Variants in CHD1L observed in about 807,000 individuals in gnomAD.
The protein encoded by CHD1L is chromodomain helicase DNA binding protein 1 like.
Under a neutral mutation model 115.9 loss-of-function variants are expected in CHD1L, and 118 were observed. The ratio of observed to expected loss-of-function variants is 1.02; its 90% confidence interval spans 0.88 to 1.19. CHD1L has a LOEUF of 1.19. Ranked by LOEUF, CHD1L falls within the 50% of genes most tolerant of loss-of-function variation. The pLI is 0.00. For missense variants in CHD1L, 1,179 were observed against 1,065.3 expected, an observed-to-expected ratio of 1.11 and a Z score of -1.49; for synonymous variants, 411 against 387.1, an observed-to-expected ratio of 1.06 and a Z score of -0.72.
At chr1:147,289,338 G>C (rs1684602543) in intron 19 of CHD1L, among the ~76,000 whole-genome samples, 1 of 152,202 alleles carries the variant, frequency 6.6e-6, no homozygotes, top group Non-Finnish European at 1.5e-5. Context: ...AGAAGGAATT[G>C]TCAGACAATT....
rs782353503 is a variant in CHD1L at position 147,285,488 on chromosome 1, GT to G, written c.2018+2del. On this transcript the variant is annotated splice_donor_variant, in intron 17 of 22. Transcript: ENST00000369258. LOFTEE classifies it high-confidence loss of function. The stretch of plus-strand genomic sequence containing the variant: ...AGGAAGAGGCTGAACATAAGAAAAA[GT>G]ATGTCTGCGTTAACCAAGCTGGCGG... The G allele has an allele frequency of 3.7e-6, 6 of 1,608,432 alleles. No individual in the cohort carries two copies. The highest frequency in any genetic ancestry group is 2.2e-5 in the South Asian group (2 of 90,216).
chr1:147,187,271 G>T, the CHD1L span: 1 of 1,522,202 alleles, frequency 6.6e-7, no homozygotes, highest in Non-Finnish European at 8.9e-7. Context: ...CAGAAACCAT[G>T]GCCTGTCAAT....
At chr1:147,176,890 G>A in the CHD1L span, among the ~76,000 whole-genome samples, 4 of 152,092 alleles carry the variant, frequency 2.6e-5, no homozygotes, top group Non-Finnish European at 5.9e-5. Context: ...GTTACGGTAG[G>A]AGGCATCAAT....
At chr1:147,243,463 C>T (rs781941131) in intron 1 of CHD1L, among the ~76,000 whole-genome samples, 2 of 152,100 alleles carry the variant, frequency 1.3e-5, no homozygotes, top group Non-Finnish European at 2.9e-5. Flanking sequence ...CACCACCGCA[C>T]GTAACTCGAT....
At chr1:147,238,595 G>A (rs1553930237), upstream of CHD1L, among the ~76,000 whole-genome samples, 2 of 152,134 alleles carry the variant, frequency 1.3e-5, no homozygotes, top group African/African-American at 4.8e-5. Context: ...ATGAGTTGAG[G>A]CTAAATTTTA....
At position 147,291,106 on chromosome 1, in the gene CHD1L, GTAGAGA is replaced by G. The variant is rs587773886; in HGVS notation, c.2321-373_2321-368del. On this transcript the variant is annotated intron_variant, in intron 19 of 22. Transcript: ENST00000369258. ...GTAGGAAAATATATTATACAAACAG[GTAGAGA>G]TAAAGTAGAATGTAATAATTTGAAT... is the stretch of plus-strand genomic sequence containing the variant. Among the ~76,000 whole-genome samples, 28 of 152,192 alleles carry G rather than the reference GTAGAGA, an allele frequency of 1.8e-4. 1 individual carries two copies. The East Asian group carries it at 5.4e-3, about 29-fold the overall frequency.
intron 7 of CHD1L, among the ~76,000 whole-genome samples, chr1:147,264,851 T>C (rs1673274962): frequency 6.6e-6 from 1 of 152,250 alleles, no homozygotes; most frequent in Non-Finnish European, 1.5e-5. Context: ...GCCTGCTGAT[T>C]TGCAGACTTT....
intron 11 of CHD1L, among the ~76,000 whole-genome samples, chr1:147,271,951 T>A (rs1163577446): frequency 6.6e-6 from 1 of 152,230 alleles, no homozygotes; most frequent in African/African-American, 2.4e-5. Flanking sequence ...CAACTGCATG[T>A]ATTTAAAAAA....
chr1:147,264,965 T>C (rs1673314906), intron 7 of CHD1L, among the ~76,000 whole-genome samples: 4 of 152,218 alleles, frequency 2.6e-5, no homozygotes, highest in Admixed American at 2.6e-4. Context: ...CTGTTCAGCA[T>C]ACTACAGCAC....
At chr1:147,203,802 G>A in the CHD1L span, 6 of 1,546,596 alleles carry the variant, frequency 3.9e-6, no homozygotes, top group South Asian at 2.2e-5. Context: ...GTAGAGCCCC[G>A]AAGTACTATG....
the CHD1L span, among the ~76,000 whole-genome samples, chr1:147,212,064 C>T: frequency 6.6e-6 from 1 of 152,060 alleles, no homozygotes; most frequent in Non-Finnish European, 1.5e-5. Flanking sequence ...TTCTAACAAC[C>T]TCTCCCAGCA....
chr1:147,252,697 A>AT lies in CHD1L; in HGVS notation c.203dup (p.Leu69ProfsTer4). The stretch of plus-strand genomic sequence containing the variant: ...GCGCTTCCATTGTCAGAATGGCTGT[A>AT]TCCTGGGAGATGAGATGGGCCTGGG... On this transcript the variant is annotated frameshift_variant, in exon 2 of 23. Transcript: ENST00000369258. LOFTEE classifies it high-confidence loss of function. 1 of 1,614,048 alleles carries AT rather than the reference A, an allele frequency of 6.2e-7. No individual in the cohort carries two copies. Among genetic ancestry groups the AT allele is most frequent in the Non-Finnish European group, 8.5e-7 (1 of 1,180,004 alleles).
intron 5 of CHD1L, among the ~76,000 whole-genome samples, chr1:147,258,309 T>G (rs1553941709): frequency 1.3e-5 from 2 of 152,194 alleles, no homozygotes; most frequent in Non-Finnish European, 2.9e-5. Flanking sequence ...ATAAGTGATT[T>G]GACCCACTTC....
At chr1:147,207,725 C>T in the CHD1L span, among the ~76,000 whole-genome samples, 2 of 152,236 alleles carry the variant, frequency 1.3e-5, no homozygotes, top group African/African-American at 4.8e-5. Context: ...ACCCTGGTTC[C>T]GGGAATACCT....
chr1:147,293,299 A>G (rs782561549), intron 20 of CHD1L, among the ~76,000 whole-genome samples: 3 of 121,158 alleles, frequency 2.5e-5, no homozygotes, highest in Admixed American at 8.9e-5. Context: ...CCTACAATTC[A>G]GAAAAATTCT....
At chr1:147,175,307 AG>A in the CHD1L span, 4 of 152,236 alleles carry the variant, frequency 2.6e-5, no homozygotes, top group African/African-American at 9.6e-5. Flanking sequence ...TTCATATAAT[AG>A]AAAAAACACA....
At chr1:147,232,153 G>A in the CHD1L span, among the ~76,000 whole-genome samples, 2 of 152,188 alleles carry the variant, frequency 1.3e-5, no homozygotes, top group Non-Finnish European at 2.9e-5. Flanking sequence ...GCAAAGGAAA[G>A]GTGGCTGACA....
At chr1:147,199,687 G>C in the CHD1L span, among the ~76,000 whole-genome samples, 1 of 152,256 alleles carries the variant, frequency 6.6e-6, no homozygotes, top group South Asian at 2.1e-4. Flanking sequence ...AATATGACTA[G>C]AATTAGGCCA....
chr1:147,274,144 T>C (rs747007094), intron 12 of CHD1L, among the ~76,000 whole-genome samples: 1 of 152,176 alleles, frequency 6.6e-6, no homozygotes, highest in Non-Finnish European at 1.5e-5. Context: ...TTTCACCTTC[T>C]AGGCTTGCAA....
Sources: gnomAD v4.1 joint callset for allele counts (sites outside exome capture counted in the v4.1 genomes callset) on GRCh38, gnomAD v4.1.1 for gene constraint, MANE v1.5 for transcripts, NCBI Gene and HGNC (gene_info 2026-07-23, HGNC 2026-07-21) for gene names.